The following ZMYND8 variants were observed in gnomAD, a reference collection of about 807,000 sequenced individuals.
The protein encoded by ZMYND8 is zinc finger MYND-type containing 8, also known as MYND-type zinc finger-containing chromatin reader ZMYND8.
In ZMYND8, 37 loss-of-function variants were observed where a neutral mutation model predicts 140.8. The observed-to-expected ratio is 0.26, with a 90% confidence interval of 0.20 to 0.35. The LOEUF is 0.35. Among genes scored for constraint, ZMYND8 ranks in the 10% least tolerant of loss-of-function variants. The probability of loss-of-function intolerance (pLI) is 1.00; values close to 1 mark genes in which losing one functional copy is unlikely to be tolerated. For missense variants in ZMYND8, 1,068 were observed against 1,570.0 expected (o/e 0.68, Z 5.40); for synonymous variants, 592 against 597.1 (o/e 0.99, Z 0.12).
chr20:47,286,365 G>C (rs1188473867), intron 8 of ZMYND8, among the ~76,000 whole-genome samples: 1 of 152,020 alleles, frequency 6.6e-6, no homozygotes, highest in Non-Finnish European at 1.5e-5. Context: ...TTTTAGTGGA[G>C]ACGGGGTTTT....
rs750188593 is a variant in ZMYND8 at position 47,246,304 on chromosome 20, T to A, written c.1988A>T (p.Glu663Val). ...KKKPKPTNPV[E>V]IKEELKSTSP... ...CGTGCTTTTCAGCTCCTCTTTAATC[T>A]CCACTGGGTTTGTAGGCTTGGGCTT... The change falls in exon 14 of 23, where the codon GAG becomes GTG. Residue 663 changes from glutamate (E) to valine (V), a missense_variant. Transcript: ENST00000471951. 6.2e-7 allele frequency: 1 copy of A among 1,614,174 alleles called. No homozygotes were observed. The highest frequency in any genetic ancestry group is 1.1e-5 in the South Asian group (1 of 91,086).
chr20:47,232,362 G>A (rs2038615071), intron 16 of ZMYND8, among the ~76,000 whole-genome samples: 1 of 139,966 alleles, frequency 7.1e-6, no homozygotes, highest in Admixed American at 6.9e-5. Flanking sequence ...GTGAGACCTT[G>A]TCTCAAAAAT....
chr20:47,279,433 G>A (rs998800400), intron 10 of ZMYND8, among the ~76,000 whole-genome samples: 7 of 151,608 alleles, frequency 4.6e-5, no homozygotes, highest in East Asian at 3.9e-4. Context: ...GCGAGACCCC[G>A]CCTCAAATAA....
At chr20:47,241,040 A>G (rs1355951576) in intron 14 of ZMYND8, among the ~76,000 whole-genome samples, 1 of 151,952 alleles carries the variant, frequency 6.6e-6, no homozygotes, top group Admixed American at 6.5e-5. Flanking sequence ...TCACGCCTGT[A>G]ATCCCAGCAC....
rs757808774 is a variant in ZMYND8, at chr20:47,294,765, T to C, written c.468A>G (p.Ala156=). 1 of 1,614,136 alleles carries C rather than the reference T, an allele frequency of 6.2e-7. No individual in the cohort carries two copies. Among genetic ancestry groups the C allele is most frequent in the Admixed American group, 1.7e-5 (1 of 60,018 alleles). The change falls in exon 5 of 23, where the codon GCA becomes GCG. Residue 156 remains alanine, a synonymous_variant. Coordinates refer to ENST00000471951, the MANE Select transcript of ZMYND8 (RefSeq NM_001281775.3). ...FCPECEKITV[A]ECIETQSKAM... is the part of the protein sequence containing the mutation. ...CTTTACTCTGGGTCTCGATGCATTCTGCTACTGTAATTTTCTACAAAGTCA... is the reference window on the plus strand; with the variant it reads ...CTTTACTCTGGGTCTCGATGCATTCCGCTACTGTAATTTTCTACAAAGTCA...
intron 2 of ZMYND8, among the ~76,000 whole-genome samples, chr20:47,322,285 T>A (rs1412694727): frequency 6.6e-6 from 1 of 152,000 alleles, no homozygotes; most frequent in Non-Finnish European, 1.5e-5. Context: ...AGGAAAAATA[T>A]CAGGAGTTTG....
intron 11 of ZMYND8, among the ~76,000 whole-genome samples, chr20:47,271,628 G>A (rs934505883): frequency 2.6e-5 from 4 of 152,118 alleles, no homozygotes; most frequent in African/African-American, 7.2e-5. Flanking sequence ...AAAAAGCGCT[G>A]GAAACACAAT....
chr20:47,222,253 G>A (rs1220181992), intron 19 of ZMYND8, among the ~76,000 whole-genome samples: 1 of 152,188 alleles, frequency 6.6e-6, no homozygotes, highest in Non-Finnish European at 1.5e-5. Flanking sequence ...AGGGCGTTTG[G>A]GGCCGGGTGC....
chr20:47,309,715 C>G (rs113879407), intron 3 of ZMYND8, among the ~76,000 whole-genome samples: 3 of 151,992 alleles, frequency 2.0e-5, no homozygotes, highest in African/African-American at 7.2e-5. Context: ...TGGGCATGGC[C>G]CAGGAGGGGA....
chr20:47,313,224 A>G (rs1268210674), intron 2 of ZMYND8, among the ~76,000 whole-genome samples: 1 of 82,374 alleles, frequency 1.2e-5, no homozygotes, highest in Non-Finnish European at 2.0e-5. Context: ...ACTGTCTCTG[A>G]AAAAAAAAAA....
intron 10 of ZMYND8, among the ~76,000 whole-genome samples, chr20:47,279,641 C>T (rs2076479985): frequency 6.6e-6 from 1 of 151,978 alleles, no homozygotes; most frequent in African/African-American, 2.4e-5. Flanking sequence ...GCTATGTGAC[C>T]CTAGGCACTC....
At chr20:47,339,819 T>C (rs1431908699) in intron 2 of ZMYND8, among the ~76,000 whole-genome samples, 1 of 152,092 alleles carries the variant, frequency 6.6e-6, no homozygotes, top group Admixed American at 6.6e-5. Context: ...GTGAGCAAAG[T>C]TCATCTTAGC....
chr20:47,212,621 G>C (rs766708752), intron 22 of ZMYND8, 21 bp downstream of exon 22: 2 of 1,613,368 alleles, frequency 1.2e-6, no homozygotes, highest in Admixed American at 1.7e-5. Flanking sequence ...GGCAGCTTTC[G>C]TAAGACAGGT....
At position 47,209,852 on chromosome 20, in the gene ZMYND8, C is replaced by T. The variant is rs958882000; in HGVS notation, c.*909G>A. On this transcript the variant is annotated 3_prime_UTR_variant, in exon 23 of 23. Transcript: ENST00000471951. ...GTACATGCTTCATCCCAGACTCAAA[C>T]GTCCTCTGCGTGCACCTTGCCTTTG... 13 of 152,616 alleles carry T rather than the reference C, an allele frequency of 8.5e-5. No individual in the cohort carries two copies. The highest frequency in any genetic ancestry group is 2.9e-4 in the African/African-American group (12 of 41,438). The allele number at this position is 152,616 out of a possible 1,614,324, so 9.5% of individuals were successfully genotyped here.
At chr20:47,256,395 G>A (rs1478672995) in intron 12 of ZMYND8, among the ~76,000 whole-genome samples, 1 of 152,126 alleles carries the variant, frequency 6.6e-6, no homozygotes, top group Non-Finnish European at 1.5e-5. Flanking sequence ...CGAGGCGAGT[G>A]GATCACGAGG....
rs116360492 is a variant in ZMYND8 at position 47,325,375 on chromosome 20, G to A, written c.86-15171C>T. 4.9e-3 allele frequency among the ~76,000 whole-genome samples: 750 copies of A among 152,166 alleles called. 6 individuals carry two copies. The highest frequency in any genetic ancestry group is 0.017 in the African/African-American group (722 of 41,508). ...AGTACCCCAAAGTACATATCAGACC[G>A]ACTAACTGAGCGACTGTACAGGGTT... On this transcript the variant is annotated intron_variant, in intron 2 of 22. Coordinates refer to ENST00000471951, the MANE Select transcript of ZMYND8 (RefSeq NM_001281775.3).
chr20:47,345,057 A>G (rs570016155), intron 2 of ZMYND8, among the ~76,000 whole-genome samples: 16 of 152,290 alleles, frequency 1.1e-4, no homozygotes, highest in African/African-American at 3.8e-4. Context: ...GATTGAGGCT[A>G]CAGTGAGCTT....
At chr20:47,287,154 C>A in intron 8 of ZMYND8, 75 bp downstream of exon 8, 2 of 1,346,236 alleles carry the variant, frequency 1.5e-6, no homozygotes, top group Non-Finnish European at 2.1e-6. Context: ...ATAGGAGATT[C>A]TGCAAATGGA....
chr20:47,304,898 T>G (rs1181955567), intron 3 of ZMYND8, among the ~76,000 whole-genome samples: 2 of 152,108 alleles, frequency 1.3e-5, no homozygotes, highest in Non-Finnish European at 2.9e-5. Context: ...TGGCAATCCC[T>G]GCACTCCCCT....
Sources: gnomAD v4.1 joint callset for allele counts (sites outside exome capture counted in the v4.1 genomes callset) on GRCh38, gnomAD v4.1.1 for gene constraint, MANE v1.5 for transcripts, NCBI Gene and HGNC (gene_info 2026-07-23, HGNC 2026-07-21) for gene names.